Variants in RPRD2 observed in about 807,000 individuals in gnomAD.
RPRD2 encodes regulation of nuclear pre-mRNA domain-containing protein 2.
RPRD2 carries 12 observed loss-of-function variants against 104.4 expected under a neutral mutation model. The observed-to-expected ratio is 0.11, with a 90% CI of 0.07 to 0.19. The LOEUF is 0.19. Ranked by LOEUF, RPRD2 falls within the 10% of genes least tolerant of loss-of-function variation. RPRD2 has a pLI of 1.00. For missense variants in RPRD2, 1,543 were observed against 1,790.1 expected (o/e 0.86, Z 2.49); for synonymous variants, 714 against 684.9 (o/e 1.04, Z -0.66).
intron 1 of RPRD2, among the ~76,000 whole-genome samples, chr1:150,375,774 GTTT>G (rs1261715864): frequency 3.9e-5 from 6 of 152,130 alleles, no homozygotes; most frequent in South Asian, 2.1e-4. Context: ...TTGGTCAGTT[GTTT>G]TAAAATTTCA....
At position 150,442,501 on chromosome 1, in the gene RPRD2, A is replaced by G. The variant is rs1372506890; in HGVS notation, c.514+543A>G. 2.0e-5 allele frequency among the ~76,000 whole-genome samples: 3 copies of G among 152,278 alleles called. No homozygotes were observed. The East Asian group carries it at 5.8e-4, about 29-fold the overall frequency. Reference sequence around the variant, plus strand: ...TGAGATCAAGGGAATGGAATACTGCATGTGATAGGCTGCTGTGGGCAAACT... The same window carrying G: ...TGAGATCAAGGGAATGGAATACTGCGTGTGATAGGCTGCTGTGGGCAAACT... On this transcript the variant is annotated intron_variant, in intron 4 of 10. Coordinates refer to ENST00000369068, the MANE Select transcript of RPRD2 (RefSeq NM_015203.5).
At chr1:150,406,143 G>A (rs1663455781) in intron 1 of RPRD2, among the ~76,000 whole-genome samples, 1 of 152,130 alleles carries the variant, frequency 6.6e-6, no homozygotes, top group African/African-American at 2.4e-5. Context: ...ACCTCATACT[G>A]CAAAAGTTAT....
chr1:150,377,579 C>T (rs1156375156), intron 1 of RPRD2, among the ~76,000 whole-genome samples: 2 of 132,956 alleles, frequency 1.5e-5, no homozygotes, highest in African/African-American at 5.8e-5. Context: ...GCCTGGGCGA[C>T]AGAGCAAGAC....
intron 2 of RPRD2, among the ~76,000 whole-genome samples, chr1:150,418,238 A>T (rs1366021886): frequency 6.6e-6 from 1 of 152,124 alleles, no homozygotes; most frequent in African/African-American, 2.4e-5. Flanking sequence ...AAGTGCTGGG[A>T]TTACAGGCGT....
intron 1 of RPRD2, among the ~76,000 whole-genome samples, chr1:150,407,619 A>G (rs781800820): frequency 1.3e-5 from 2 of 152,296 alleles, no homozygotes; most frequent in African/African-American, 4.8e-5. Flanking sequence ...CAGATTTTCT[A>G]CGTAGTTCAG....
intron 1 of RPRD2, among the ~76,000 whole-genome samples, chr1:150,392,670 G>A (rs1662180257): frequency 6.6e-6 from 1 of 152,026 alleles, no homozygotes; most frequent in South Asian, 2.1e-4. Context: ...TACATAGCAA[G>A]ACTTCGTCTC....
intron 2 of RPRD2, among the ~76,000 whole-genome samples, chr1:150,438,577 C>T (rs1553893713): frequency 6.7e-6 from 1 of 150,018 alleles, no homozygotes. Flanking sequence ...TGCAGTGAGC[C>T]GAGATCGCAC....
chr1:150,459,587 T>A (rs1199136550), intron 8 of RPRD2, among the ~76,000 whole-genome samples: 1 of 151,252 alleles, frequency 6.6e-6, no homozygotes, highest in Non-Finnish European at 1.5e-5. Flanking sequence ...TTCTGGAAAT[T>A]GCTTGCTTTT....
At chr1:150,391,288 T>G (rs1553883082) in intron 1 of RPRD2, among the ~76,000 whole-genome samples, 1 of 152,058 alleles carries the variant, frequency 6.6e-6, no homozygotes, top group Non-Finnish European at 1.5e-5. Flanking sequence ...AACCAACAGA[T>G]CTTCACCTAA....
intron 2 of RPRD2, among the ~76,000 whole-genome samples, chr1:150,435,627 C>T (rs886074604): frequency 4.6e-5 from 7 of 152,166 alleles, no homozygotes; most frequent in African/African-American, 1.7e-4. Flanking sequence ...CCCTAACTCT[C>T]CTCAATTCTA....
At chr1:150,450,179 T>G (rs1667056585) in intron 7 of RPRD2, among the ~76,000 whole-genome samples, 1 of 152,228 alleles carries the variant, frequency 6.6e-6, no homozygotes, top group Non-Finnish European at 1.5e-5. Flanking sequence ...ATGAAAGATC[T>G]TAAGTCCAGT....
At chr1:150,378,079 T>C (rs1660855326) in intron 1 of RPRD2, among the ~76,000 whole-genome samples, 1 of 152,264 alleles carries the variant, frequency 6.6e-6, no homozygotes, top group African/African-American at 2.4e-5. Context: ...AAAGCCCAAG[T>C]TGCTTACAAG....
chr1:150,419,059 G>C (rs990177407), intron 2 of RPRD2, among the ~76,000 whole-genome samples: 1 of 152,014 alleles, frequency 6.6e-6, no homozygotes, highest in Non-Finnish European at 1.5e-5. Context: ...TCTGACCATG[G>C]GCCCTTCTTT....
chr1:150,429,914 G>A (rs1433357845), intron 2 of RPRD2, among the ~76,000 whole-genome samples: 3 of 152,180 alleles, frequency 2.0e-5, no homozygotes, highest in Non-Finnish European at 4.4e-5. Flanking sequence ...ACATTAACCA[G>A]CATGCCGATA....
In RPRD2 at chr1:150,446,335, A is replaced by G. The variant is rs1380569666; in HGVS notation, c.804A>G (p.Thr268=). The change falls in exon 7 of 11, where the codon ACA becomes ACG. Residue 268 remains threonine, a synonymous_variant. Coordinates refer to ENST00000369068, the MANE Select transcript of RPRD2 (RefSeq NM_015203.5). The stretch of plus-strand genomic sequence containing the variant: ...AGGTGAAAAACGGACCCTCATTAAC[A>G]GAAGCACTGGAAAATGCTGGAATTT... ...DKQVKNGPSL[T]EALENAGIFY... The G allele has an allele frequency of 6.2e-7, 1 of 1,612,426 alleles. No individual in the cohort carries two copies. The highest frequency in any genetic ancestry group is 1.3e-5 in the African/African-American group (1 of 74,848).
chr1:150,469,005 G>A (rs893125728), intron 10 of RPRD2, among the ~76,000 whole-genome samples: 5 of 151,112 alleles, frequency 3.3e-5, no homozygotes, highest in African/African-American at 1.2e-4. Context: ...TATTTCAGTT[G>A]TTTGGATATT....
chr1:150,373,542 T>TTTTTTTTG (rs1660480333), intron 1 of RPRD2, among the ~76,000 whole-genome samples: 1 of 148,020 alleles, frequency 6.8e-6, no homozygotes, highest in Non-Finnish European at 1.5e-5. Flanking sequence ...ACTTTTTTTT[T>TTTTTTTTG]TTTTTTTTTT....
chr1:150,371,520 A>C (rs587740880), intron 1 of RPRD2, among the ~76,000 whole-genome samples: 16 of 152,226 alleles, frequency 1.1e-4, no homozygotes, highest in Admixed American at 1.0e-3. Context: ...ACAGGCACCC[A>C]CCACCAGGCT....
chr1:150,392,245 G>A (rs587606684), intron 1 of RPRD2, among the ~76,000 whole-genome samples: 8 of 151,976 alleles, frequency 5.3e-5, no homozygotes, highest in Non-Finnish European at 7.4e-5. Flanking sequence ...AGTGGCTCAC[G>A]CCTGTAATCC....
Sources: gnomAD v4.1 joint callset for allele counts (sites outside exome capture counted in the v4.1 genomes callset) on GRCh38, gnomAD v4.1.1 for gene constraint, MANE v1.5 for transcripts, NCBI Gene and HGNC (gene_info 2026-07-23, HGNC 2026-07-21) for gene names.